The following PAMR1 variants were observed in gnomAD, a reference collection of about 807,000 sequenced individuals.
The protein encoded by PAMR1 is inactive serine protease PAMR1.
Under a neutral mutation model 81.8 loss-of-function variants are expected in PAMR1, and 88 were observed. That is an observed-to-expected ratio of 1.08 (90% CI 0.91 to 1.28). The LOEUF (loss-of-function observed/expected upper bound fraction) is 1.28. Among genes scored for constraint, PAMR1 ranks in the 50% most tolerant of loss-of-function variants. The probability of loss-of-function intolerance (pLI) is 0.00; values close to 1 mark genes in which losing one functional copy is unlikely to be tolerated. For missense variants in PAMR1, 935 were observed against 919.7 expected (o/e 1.02, Z -0.21); for synonymous variants, 336 against 345.3 (o/e 0.97, Z 0.30).
intron 6 of PAMR1, among the ~76,000 whole-genome samples, chr11:35,459,906 T>C (rs1341957455): frequency 2.0e-5 from 3 of 152,244 alleles, no homozygotes; most frequent in African/African-American, 7.2e-5. Context: ...CAAAAATGTC[T>C]AGCTGGATGA....
chr11:35,485,175 GTGCAGCC>G (rs769376502), intron 3 of PAMR1, among the ~76,000 whole-genome samples: 23 of 152,246 alleles, frequency 1.5e-4, no homozygotes, highest in Non-Finnish European at 2.9e-4. Context: ...GAGAAATGAG[GTGCAGCC>G]TGCTTAACGG....
intron 6 of PAMR1, among the ~76,000 whole-genome samples, chr11:35,456,773 G>C (rs1027079057): frequency 4.6e-5 from 7 of 152,132 alleles, no homozygotes; most frequent in Non-Finnish European, 8.8e-5. Flanking sequence ...AATCCTCTGG[G>C]AAGTATTGTT....
rs150412568 is a variant in PAMR1 at position 35,434,800 on chromosome 11, G to A, written c.1338C>T (p.Cys446=). 23 of 1,611,530 alleles carry A rather than the reference G, an allele frequency of 1.4e-5. No individual in the cohort carries two copies. The highest frequency in any genetic ancestry group is 2.2e-5 in the East Asian group (1 of 44,820). The change falls in exon 10 of 11, where the codon TGC becomes TGT. Residue 446 remains cysteine (C), a synonymous_variant. Coordinates refer to ENST00000619888, the MANE Select transcript of PAMR1 (RefSeq NM_001001991.3). ...SGRAPSCIPI[C]GKIENITAPK... is the part of the protein sequence containing the mutation. ...GAGCAGTGATGTTCTCAATTTTCCC[G>A]CAGACTATGGAGAAAGTACCAGCTT...
At position 35,436,021 on chromosome 11, in the gene PAMR1, A is replaced by T. The variant is rs1254697892; in HGVS notation, c.1215T>A (p.His405Gln). 1 of 1,614,036 alleles carries T rather than the reference A, an allele frequency of 6.2e-7. No individual in the cohort carries two copies. The highest frequency in any genetic ancestry group is 1.7e-5 in the Admixed American group (1 of 60,020). ...PFGDLPMGYQ[H>Q]LHTQLQYECI... The stretch of plus-strand genomic sequence containing the variant: ...ACTCATACTGGAGCTGGGTATGCAG[A>T]TGTTGGTATCCCATGGGCAGATCTC... The change falls in exon 9 of 11, where the codon CAT becomes CAA. Residue 405 changes from histidine (H) to glutamine (Q), a missense_variant. His to Gln is a conservative substitution (Grantham distance 24). Transcript: ENST00000619888.
chr11:35,479,649 C>A (rs1340354694), intron 3 of PAMR1, among the ~76,000 whole-genome samples: 2 of 152,140 alleles, frequency 1.3e-5, no homozygotes, highest in Admixed American at 1.3e-4. Context: ...GGTTTAGCAT[C>A]CCAGACAGTG....
chr11:35,476,599 A>G (rs1590354329), intron 3 of PAMR1, among the ~76,000 whole-genome samples: 1 of 152,134 alleles, frequency 6.6e-6, no homozygotes, highest in African/African-American at 2.4e-5. Context: ...TTTATAAATT[A>G]CCCAGTCTCA....
chr11:35,432,676 C>A lies in PAMR1; in HGVS notation c.1843G>T (p.Asp615Tyr). Residue 615 changes from aspartate (D) to tyrosine (Y), a missense_variant, in exon 11 of 11, where the codon GAC becomes TAC. Coordinates refer to ENST00000619888, the MANE Select transcript of PAMR1 (RefSeq NM_001001991.3). ...ADVRSPGFKN[D>Y]TLRSGVVSVV... ...CTGACCACCCCAGAGCGCAGTGTGT[C>A]GTTCTTGAAGCCAGGGCTCCTCACG... The A allele has an allele frequency of 6.2e-7, 1 of 1,613,366 alleles. No individual in the cohort carries two copies.
intron 1 of PAMR1, among the ~76,000 whole-genome samples, chr11:35,524,489 G>A (rs1294025669): frequency 6.6e-6 from 1 of 152,156 alleles, no homozygotes; most frequent in African/African-American, 2.4e-5. Context: ...TTCATTCTCA[G>A]GCACTTGCCA....
Position 35,434,800 on chromosome 11 carries a change from G to T in PAMR1, c.1338C>A (p.Cys446Ter), listed in dbSNP as rs150412568. 5.0e-6 allele frequency: 8 copies of T among 1,611,530 alleles called. No individual in the cohort carries two copies. Among genetic ancestry groups the T allele is most frequent in the African/African-American group, 4.0e-5 (3 of 74,862 alleles). ...SGRAPSCIPI[C>*]GKIENITAPK... ...GAGCAGTGATGTTCTCAATTTTCCCGCAGACTATGGAGAAAGTACCAGCTT... is the reference window on the plus strand; with the variant it reads ...GAGCAGTGATGTTCTCAATTTTCCCTCAGACTATGGAGAAAGTACCAGCTT... Residue 446 changes from cysteine (C) to a stop codon, truncating the protein, a stop_gained, in exon 10 of 11, where the codon TGC becomes TGA. Transcript: ENST00000619888. LOFTEE classifies it high-confidence loss of function.
intron 6 of PAMR1, among the ~76,000 whole-genome samples, chr11:35,454,027 T>C (rs117942126): frequency 5.9e-5 from 9 of 152,340 alleles, no homozygotes; most frequent in Non-Finnish European, 1.0e-4. Context: ...AAGAAAGACC[T>C]TTCTTATTTT....
intron 1 of PAMR1, among the ~76,000 whole-genome samples, chr11:35,500,242 T>C (rs1169681699): frequency 6.6e-6 from 1 of 152,196 alleles, no homozygotes; most frequent in Non-Finnish European, 1.5e-5. Context: ...GGGACTAACA[T>C]ACTGGGACTT....
At chr11:35,455,706 T>G (rs1180406165) in intron 6 of PAMR1, among the ~76,000 whole-genome samples, 1 of 152,168 alleles carries the variant, frequency 6.6e-6, no homozygotes, top group Non-Finnish European at 1.5e-5. Flanking sequence ...TTGATTCATT[T>G]TCTTAGATCT....
chr11:35,464,700 A>T (rs1856726624), intron 6 of PAMR1, among the ~76,000 whole-genome samples: 1 of 152,176 alleles, frequency 6.6e-6, no homozygotes, highest in African/African-American at 2.4e-5. Context: ...GTCTAGAAGA[A>T]TATCCTCCAA....
At chr11:35,525,217 T>C (rs764350646) in intron 1 of PAMR1, among the ~76,000 whole-genome samples, 1 of 152,088 alleles carries the variant, frequency 6.6e-6, no homozygotes, top group South Asian at 2.1e-4. Context: ...ACTTTTAAAA[T>C]GATAAAAAGA....
At chr11:35,435,585 G>A (rs1214509441) in intron 9 of PAMR1, among the ~76,000 whole-genome samples, 1 of 151,946 alleles carries the variant, frequency 6.6e-6, no homozygotes, top group African/African-American at 2.4e-5. Context: ...GCTTAAACAG[G>A]GTAGCCAAGA....
At chr11:35,463,827 T>C (rs11033135) in intron 6 of PAMR1, among the ~76,000 whole-genome samples, 42,973 of 152,148 alleles carry the variant, frequency 0.28, 6,161 homozygotes, top group Admixed American at 0.34. Context: ...TCTTGACAGC[T>C]GGTACTAGGC....
chr11:35,528,934 GCAGTAAT>G, upstream of PAMR1: 1 of 152,230 alleles, frequency 6.6e-6, no homozygotes, highest in Middle Eastern at 3.2e-3. Flanking sequence ...AGAAGTCAAA[GCAGTAAT>G]CAGATATTAC....
chr11:35,514,806 C>A (rs1851133564), intron 1 of PAMR1, among the ~76,000 whole-genome samples: 1 of 152,074 alleles, frequency 6.6e-6, no homozygotes, highest in African/African-American at 2.4e-5. Context: ...GGCAACATAG[C>A]AAACCCACCC....
At chr11:35,517,065 T>C (rs1851178116) in intron 1 of PAMR1, among the ~76,000 whole-genome samples, 1 of 152,124 alleles carries the variant, frequency 6.6e-6, no homozygotes, top group African/African-American at 2.4e-5. Context: ...TCTGACATGA[T>C]ACATCTAGCT....
Sources: allele counts gnomAD v4.1 joint callset (sites outside exome capture counted in the v4.1 genomes callset), GRCh38; gene constraint gnomAD v4.1.1; transcripts MANE v1.5; gene names NCBI Gene and HGNC (gene_info 2026-07-23, HGNC 2026-07-21).